The following DPP6 variants were observed in gnomAD, a reference collection of about 807,000 sequenced individuals.
DPP6 encodes the protein A-type potassium channel modulatory protein DPP6.
A neutral mutation model predicts 122.6 loss-of-function variants in DPP6; 69 were observed. The ratio of observed to expected loss-of-function variants is 0.56; its 90% CI spans 0.46 to 0.69. The LOEUF (loss-of-function observed/expected upper bound fraction) is 0.69, where lower values mean the gene tolerates loss of function less well. DPP6 is among the 30% of genes least tolerant of loss of function. The pLI is 0.00. For missense variants in DPP6, 928 were observed against 1,116.9 expected (o/e 0.83, Z 2.41); for synonymous variants, 418 against 433.1 (o/e 0.97, Z 0.43).
chr7:154,094,644 C>T (rs1055742455), intron 1 of DPP6: 1 of 152,146 alleles, frequency 6.6e-6, no homozygotes, highest in African/African-American at 2.4e-5. Flanking sequence ...GGTCTTATAT[C>T]AGTGTCGTTC....
intron 1 of DPP6, among the ~76,000 whole-genome samples, chr7:154,214,893 G>A (rs1197287311): frequency 1.3e-5 from 2 of 152,156 alleles, no homozygotes; most frequent in Non-Finnish European, 2.9e-5. Flanking sequence ...ACTGTAGCCT[G>A]GGTGACACAG....
At chr7:154,141,330 CTT>C (rs1022010509) in intron 1 of DPP6, among the ~76,000 whole-genome samples, 13 of 152,346 alleles carry the variant, frequency 8.5e-5, no homozygotes, top group African/African-American at 2.6e-4. Flanking sequence ...CCTTACGACT[CTT>C]TTCCCCACCC....
At chr7:154,367,969 A>G (rs989946852) in intron 1 of DPP6, among the ~76,000 whole-genome samples, 1 of 151,866 alleles carries the variant, frequency 6.6e-6, no homozygotes. Context: ...ACCACGCCCA[A>G]CTGATTTTTT....
chr7:154,390,811 A>G (rs1279642983), intron 1 of DPP6, among the ~76,000 whole-genome samples: 1 of 152,106 alleles, frequency 6.6e-6, no homozygotes, highest in Non-Finnish European at 1.5e-5. Context: ...TCCAGGTTCC[A>G]CACGGTCCTC....
At chr7:153,847,376 T>C in the DPP6 span, among the ~76,000 whole-genome samples, 5 of 152,224 alleles carry the variant, frequency 3.3e-5, no homozygotes, top group Non-Finnish European at 5.9e-5. Context: ...GTCTGCTAAT[T>C]CCAACATGTT....
chr7:153,749,336 C>T, the DPP6 span, among the ~76,000 whole-genome samples: 2 of 152,114 alleles, frequency 1.3e-5, no homozygotes, highest in Admixed American at 6.5e-5. This position sits in a 1 kb window ranked among gnomAD's most constrained non-coding sequence, Gnocchi z 4.1. Flanking sequence ...GCGAGGCTTT[C>T]GGGAGAAGAG....
intron 1 of DPP6, among the ~76,000 whole-genome samples, chr7:154,208,784 A>G (rs73731406): frequency 0.053 from 8,046 of 151,954 alleles, 408 homozygotes; most frequent in African/African-American, 0.12. Context: ...AAAAAAAAAT[A>G]GGGCAGCCTC....
intron 1 of DPP6, among the ~76,000 whole-genome samples, chr7:154,338,014 C>T (rs771733022): frequency 1.2e-4 from 19 of 152,184 alleles, no homozygotes; most frequent in Non-Finnish European, 2.6e-4. Flanking sequence ...TCTCACTGAG[C>T]GTATATCTGT....
At chr7:154,280,612 T>A (rs2150949415) in intron 1 of DPP6, among the ~76,000 whole-genome samples, 1 of 152,360 alleles carries the variant, frequency 6.6e-6, no homozygotes, top group African/African-American at 2.4e-5. Context: ...TAATTCAATT[T>A]ACACTTGGAT....
rs116932717 is a variant in DPP6 at position 154,303,510 on chromosome 7, G to A, written c.244-142704G>A. ...CTAAGGCCGACTCTTGCTTGGCCCG[G>A]CCCAGTCCCTCCTACCAACACTGAT... is the stretch of plus-strand genomic sequence containing the variant. On this transcript the variant is annotated intron_variant, in intron 1 of 25. Transcript: ENST00000377770. 1.2e-4 allele frequency among the ~76,000 whole-genome samples: 19 copies of A among 152,132 alleles called. No homozygotes were observed. The East Asian group carries it at 2.3e-3, about 19-fold the overall frequency.
chr7:154,126,091 G>C (rs1184911755), intron 1 of DPP6, among the ~76,000 whole-genome samples: 1 of 152,242 alleles, frequency 6.6e-6, no homozygotes, highest in Non-Finnish European at 1.5e-5. Flanking sequence ...AGGTATTAGA[G>C]AAAGGGCTAT....
chr7:154,484,198 G>T (rs924551179), intron 3 of DPP6, among the ~76,000 whole-genome samples: 10 of 152,070 alleles, frequency 6.6e-5, no homozygotes, highest in African/African-American at 2.4e-4. Flanking sequence ...CCAGAAGCAG[G>T]GTGAAAGACG....
intron 16 of DPP6, among the ~76,000 whole-genome samples, chr7:154,843,156 G>T (rs34601323): frequency 0.12 from 17,622 of 152,240 alleles, 1,065 homozygotes; most frequent in South Asian, 0.22. Flanking sequence ...ACAAAAATTA[G>T]CCAGGCGTGG....
the DPP6 span, among the ~76,000 whole-genome samples, chr7:153,812,879 C>G: frequency 6.6e-6 from 1 of 152,030 alleles, no homozygotes; most frequent in South Asian, 2.1e-4. Flanking sequence ...AAATATACAA[C>G]CTACTGAGAC....
At chr7:154,737,825 G>C (rs1259756410) in intron 8 of DPP6, among the ~76,000 whole-genome samples, 1 of 152,212 alleles carries the variant, frequency 6.6e-6, no homozygotes, top group African/African-American at 2.4e-5. Flanking sequence ...ACAGATTTAA[G>C]AGCCCAACAG....
intron 2 of DPP6, among the ~76,000 whole-genome samples, chr7:154,461,252 TTATC>T (rs1821276156): frequency 6.6e-6 from 1 of 152,212 alleles, no homozygotes; most frequent in Admixed American, 6.5e-5. Context: ...CATATTTTCT[TTATC>T]CATTCATCTG....
chr7:154,692,997 GC>G (rs766633407), intron 7 of DPP6, among the ~76,000 whole-genome samples: 15 of 152,036 alleles, frequency 9.9e-5, no homozygotes, highest in Non-Finnish European at 2.2e-4. Flanking sequence ...TTGCTATGTT[GC>G]CCAGGCTTGT....
intron 16 of DPP6, among the ~76,000 whole-genome samples, chr7:154,836,972 G>T (rs979006456): frequency 1.3e-5 from 2 of 152,248 alleles, no homozygotes; most frequent in African/African-American, 4.8e-5. Context: ...CTCCCAAAGT[G>T]CTGGGATTAC....
chr7:154,652,595 A>G (rs13228577), intron 6 of DPP6, among the ~76,000 whole-genome samples: 18,096 of 152,032 alleles, frequency 0.12, 1,408 homozygotes, highest in Non-Finnish European at 0.17. Flanking sequence ...GAACATGCAC[A>G]TGTATGTTGT....
Sources: allele counts gnomAD v4.1 joint callset (sites outside exome capture counted in the v4.1 genomes callset), GRCh38; gene constraint gnomAD v4.1.1; non-coding constraint Gnocchi (gnomAD v3.1); transcripts MANE v1.5; gene names NCBI Gene and HGNC (gene_info 2026-07-23, HGNC 2026-07-21).